Variants in AKIRIN2 observed in about 807,000 individuals in gnomAD.
The protein encoded by AKIRIN2 is akirin 2, also known as akirin-2.
A neutral mutation model predicts 29.3 loss-of-function variants in AKIRIN2; 6 were observed. That is an observed-to-expected ratio of 0.20 (90% CI 0.11 to 0.40). AKIRIN2 has a LOEUF of 0.40. AKIRIN2 is among the 10% of genes least tolerant of loss of function. AKIRIN2 has a pLI of 1.00. For missense variants in AKIRIN2, 210 were observed against 276.1 expected (o/e 0.76, Z 1.70); for synonymous variants, 128 against 117.5 (o/e 1.09, Z -0.58).
At position 87,677,914 on chromosome 6, in the gene AKIRIN2, G is replaced by C. The variant is rs1293864022; in HGVS notation, c.433C>G (p.Leu145Val). The C allele has an allele frequency of 5.0e-6, 8 of 1,613,984 alleles. No individual in the cohort carries two copies. The highest frequency in any genetic ancestry group is 1.1e-5 in the South Asian group (1 of 91,082). Reference sequence around the variant, plus strand: ...TCACAGATCATCCCAACCTGCCGTAGAGTAAATAAGGGCTGTTCTTTTTTT... The same window carrying C: ...TCACAGATCATCCCAACCTGCCGTACAGTAAATAAGGGCTGTTCTTTTTTT... Reference protein sequence around the residue: ...PLKKEQPLFTLRQVGMICERL... With the variant: ...PLKKEQPLFTVRQVGMICERL... Residue 145 changes from leucine to valine, a missense_variant, in exon 3 of 5, where the codon CTA becomes GTA. By Grantham distance (32) the Leu-to-Val change is conservative. Around this residue, in one of 2 missense-constraint regions of AKIRIN2, gnomAD observed 199 missense variants for 236.5 expected, o/e 0.84. Coordinates refer to ENST00000257787, the MANE Select transcript of AKIRIN2 (RefSeq NM_018064.4).
chr6:87,687,534 AAC>A (rs1430500176), intron 1 of AKIRIN2, among the ~76,000 whole-genome samples: 1 of 152,088 alleles, frequency 6.6e-6, no homozygotes, highest in African/African-American at 2.4e-5. Flanking sequence ...CAGAAACTAA[AAC>A]AGTTATGTTC....
chr6:87,700,734 C>T (rs1158355385), intron 1 of AKIRIN2: 1 of 154,186 alleles, frequency 6.5e-6, no homozygotes, highest in East Asian at 1.9e-4. Context: ...CTCCTCAGCC[C>T]CAATTTTCAA....
At chr6:87,677,324 A>G (rs973178091) in intron 3 of AKIRIN2, among the ~76,000 whole-genome samples, 8 of 152,192 alleles carry the variant, frequency 5.3e-5, no homozygotes, top group African/African-American at 1.7e-4. Context: ...AAAAGCTTAC[A>G]TATCTATATA....
At chr6:87,696,605 G>T (rs1771369277) in intron 1 of AKIRIN2, among the ~76,000 whole-genome samples, 2 of 150,970 alleles carry the variant, frequency 1.3e-5, no homozygotes, top group South Asian at 4.2e-4. Context: ...GTAGGCTGAG[G>T]CAGGAGAATG....
At chr6:87,689,645 G>A (rs1433577108) in intron 1 of AKIRIN2, among the ~76,000 whole-genome samples, 1 of 152,194 alleles carries the variant, frequency 6.6e-6, no homozygotes, top group Non-Finnish European at 1.5e-5. Context: ...GGGAAAACCA[G>A]ATAACACAGC....
intron 1 of AKIRIN2, 136 bp downstream of exon 1, chr6:87,701,314 G>A: frequency 1.2e-6 from 1 of 809,842 alleles, no homozygotes; most frequent in Non-Finnish European, 1.8e-6. Flanking sequence ...AGTGAAAAAC[G>A]TGGCTGCCCT....
chr6:87,690,206 C>CA (rs36001292), intron 1 of AKIRIN2, among the ~76,000 whole-genome samples: 20,967 of 114,702 alleles, frequency 0.18, 1,897 homozygotes, highest in African/African-American at 0.31. Context: ...AACTCCATCT[C>CA]AAAAAAAAAA....
intron 2 of AKIRIN2, among the ~76,000 whole-genome samples, chr6:87,680,014 C>T (rs72924342): frequency 0.13 from 20,059 of 152,078 alleles, 1,474 homozygotes; most frequent in African/African-American, 0.2. Context: ...CAAAGCCCAC[C>T]AGCTTTATTC....
Position 87,675,468 on chromosome 6 carries a change from G to A in AKIRIN2, c.*129C>T. ...CAGTTGCTGCTGCCTAAGAGTGGTT[G>A]CCACTGACGAAAGCTTGAAATAACC... On this transcript the variant is annotated 3_prime_UTR_variant, in exon 5 of 5. Transcript: ENST00000257787. The A allele has an allele frequency of 6.1e-6, 8 of 1,305,698 alleles. No individual in the cohort carries two copies. Among genetic ancestry groups the A allele is most frequent in the Middle Eastern group, 1.8e-4 (1 of 5,474 alleles). 80.9% of individuals were successfully genotyped at this position (1,305,698 alleles called of 1,614,324 possible).
At chr6:87,683,214 C>T (rs76417268) in intron 1 of AKIRIN2, among the ~76,000 whole-genome samples, 1,868 of 152,196 alleles carry the variant, frequency 0.012, 39 homozygotes, top group African/African-American at 0.041. Flanking sequence ...TATAAAAAGA[C>T]CTGTTTATAC....
intron 1 of AKIRIN2, among the ~76,000 whole-genome samples, chr6:87,691,029 T>C (rs1771269625): frequency 6.6e-6 from 1 of 152,158 alleles, no homozygotes; most frequent in African/African-American, 2.4e-5. Context: ...GAAGTCTACA[T>C]ACATCTCTTA....
intron 1 of AKIRIN2, among the ~76,000 whole-genome samples, chr6:87,698,804 A>G (rs1771411860): frequency 6.6e-6 from 1 of 152,254 alleles, no homozygotes; most frequent in Non-Finnish European, 1.5e-5. Context: ...AGAATAGTCA[A>G]GTCAAACTTC....
chr6:87,676,788 A>C (rs1771011675), intron 3 of AKIRIN2, among the ~76,000 whole-genome samples: 1 of 150,334 alleles, frequency 6.7e-6, no homozygotes, highest in Non-Finnish European at 1.5e-5. Context: ...TTAAAAAAAA[A>C]ACAATTGGCC....
intron 1 of AKIRIN2, among the ~76,000 whole-genome samples, chr6:87,701,123 T>C (rs1010535894): frequency 4.6e-5 from 7 of 151,964 alleles, no homozygotes; most frequent in African/African-American, 1.2e-4. Flanking sequence ...TCCTCTCTGA[T>C]CATTTCCGCT....
intron 1 of AKIRIN2, among the ~76,000 whole-genome samples, chr6:87,683,158 G>A (rs1342898054): frequency 1.3e-5 from 2 of 151,946 alleles, no homozygotes; most frequent in East Asian, 3.8e-4. Flanking sequence ...AAAAAAAAGT[G>A]GCAAGACATA....
chr6:87,675,705 A>T, intron 4 of AKIRIN2, 98 bp from the exon 5 acceptor site: 1 of 1,522,070 alleles, frequency 6.6e-7, no homozygotes, highest in South Asian at 1.2e-5. Flanking sequence ...GTATTTAAGT[A>T]ACCAAAAGAC....
At chr6:87,695,566 T>C (rs1376262798) in intron 1 of AKIRIN2, among the ~76,000 whole-genome samples, 2 of 152,176 alleles carry the variant, frequency 1.3e-5, no homozygotes, top group African/African-American at 4.8e-5. Flanking sequence ...AGAACGTTCT[T>C]TGAATCAACA....
chr6:87,676,052 A>C (rs1770969339), intron 3 of AKIRIN2, 121 bp from the exon 4 acceptor site: 1 of 751,184 alleles, frequency 1.3e-6, no homozygotes, highest in Non-Finnish European at 2.2e-6. Context: ...ACATAACCTC[A>C]GTAGTACTAA....
intron 1 of AKIRIN2, among the ~76,000 whole-genome samples, chr6:87,689,968 T>G (rs1771252879): frequency 6.6e-6 from 1 of 152,142 alleles, no homozygotes; most frequent in Admixed American, 6.5e-5. Context: ...TCCTAGCACT[T>G]TGGGAGGCCA....
Sources: allele counts gnomAD v4.1 joint callset (sites outside exome capture counted in the v4.1 genomes callset), GRCh38; gene constraint gnomAD v4.1.1; regional missense constraint gnomAD v4.1.1; transcripts MANE v1.5; gene names NCBI Gene and HGNC (gene_info 2026-07-23, HGNC 2026-07-21).